ZNF385D: variants seen among roughly 807,000 people sequenced by gnomAD.
The protein encoded by ZNF385D is zinc finger protein 659.
In ZNF385D, 15 loss-of-function variants were observed where a neutral mutation model predicts 35.8. The ratio of observed to expected loss-of-function variants is 0.42; its 90% CI spans 0.28 to 0.64. The LOEUF is 0.64. ZNF385D is among the 30% of genes least tolerant of loss of function. The probability of loss-of-function intolerance (pLI) is 0.23; values close to 1 mark genes in which losing one functional copy is unlikely to be tolerated. For synonymous variants in ZNF385D, 212 were observed against 186.8 expected, an observed-to-expected ratio of 1.13 and a Z score of -1.10; for missense variants, 474 against 494.6, an observed-to-expected ratio of 0.96 and a Z score of 0.39.
At chr3:21,754,430 A>T (rs2070246590), upstream of ZNF385D, among the ~76,000 whole-genome samples, 1 of 152,192 alleles carries the variant, frequency 6.6e-6, no homozygotes, top group Non-Finnish European at 1.5e-5. Context: ...TGCTTGCCAG[A>T]TAAAATTATA....
intron 3 of ZNF385D, among the ~76,000 whole-genome samples, chr3:22,021,747 G>C (rs1697236179): frequency 6.6e-6 from 1 of 152,046 alleles, no homozygotes; most frequent in African/African-American, 2.4e-5. Flanking sequence ...TTCTTTCCAA[G>C]CATTTCCACT....
intron 2 of ZNF385D, among the ~76,000 whole-genome samples, chr3:21,629,663 A>G (rs1463935292): frequency 6.6e-6 from 1 of 152,108 alleles, no homozygotes; most frequent in Non-Finnish European, 1.5e-5. Flanking sequence ...AATTCCACCA[A>G]AAGATGGGGA....
chr3:22,039,891 T>C (rs1698560902), intron 3 of ZNF385D, among the ~76,000 whole-genome samples: 1 of 152,172 alleles, frequency 6.6e-6, no homozygotes, highest in African/African-American at 2.4e-5. Flanking sequence ...CATTGACTGC[T>C]AGACTGCTGC....
chr3:21,877,034 G>C (rs1353712371), intron 3 of ZNF385D, among the ~76,000 whole-genome samples: 3 of 152,036 alleles, frequency 2.0e-5, no homozygotes, highest in Non-Finnish European at 4.4e-5. Context: ...ATTTGCTTTT[G>C]CAGTAAAACA....
At chr3:22,263,952 A>G (rs192328823) in intron 2 of ZNF385D, among the ~76,000 whole-genome samples, 2 of 152,106 alleles carry the variant, frequency 1.3e-5, no homozygotes, top group East Asian at 3.9e-4. Context: ...AAAAATTATA[A>G]GAGAAGGAAT....
At chr3:22,247,793 C>T (rs370069348) in intron 2 of ZNF385D, among the ~76,000 whole-genome samples, 25 of 151,856 alleles carry the variant, frequency 1.6e-4, no homozygotes, top group Admixed American at 1.0e-3. Context: ...TTAGTAGAGA[C>T]GGGGTTTCAC....
intron 4 of ZNF385D, among the ~76,000 whole-genome samples, chr3:21,460,327 CTT>C (rs1559311709): frequency 6.6e-6 from 1 of 152,160 alleles, no homozygotes; most frequent in East Asian, 1.9e-4. Context: ...TAATCTAACT[CTT>C]TGTGTGTTTA....
intron 1 of ZNF385D, among the ~76,000 whole-genome samples, chr3:21,731,166 C>T (rs1357914145): frequency 1.3e-5 from 2 of 152,154 alleles, no homozygotes; most frequent in East Asian, 3.8e-4. Flanking sequence ...AATGGCCCTT[C>T]CCACACCTAA....
chr3:22,045,042 T>C (rs1188935212), intron 3 of ZNF385D, among the ~76,000 whole-genome samples: 1 of 152,072 alleles, frequency 6.6e-6, no homozygotes, highest in African/African-American at 2.4e-5. Flanking sequence ...TTAATTTTTG[T>C]TTGTTGATAT....
At chr3:21,887,847 T>A (rs1698628605) in intron 3 of ZNF385D, among the ~76,000 whole-genome samples, 1 of 152,098 alleles carries the variant, frequency 6.6e-6, no homozygotes, top group African/African-American at 2.4e-5. Context: ...AAAAAATGCA[T>A]GGTTAATTAA....
At chr3:21,979,574 G>C (rs1208344999) in intron 3 of ZNF385D, 1 of 152,118 alleles carries the variant, frequency 6.6e-6, no homozygotes, top group Non-Finnish European at 1.5e-5. Flanking sequence ...TAAAACTCCT[G>C]CCTCACTTCA....
intron 3 of ZNF385D, among the ~76,000 whole-genome samples, chr3:21,883,340 C>T (rs892695631): frequency 1.3e-5 from 2 of 151,498 alleles, no homozygotes; most frequent in Non-Finnish European, 2.9e-5. Context: ...ATTTCTTTCC[C>T]CTCAAAAAAT....
At chr3:22,050,130 C>G (rs927037869) in intron 3 of ZNF385D, among the ~76,000 whole-genome samples, 2 of 151,556 alleles carry the variant, frequency 1.3e-5, no homozygotes, top group African/African-American at 2.4e-5. Flanking sequence ...ATTTGGGAGA[C>G]CAACGCATGA....
chr3:22,016,917 C>A (rs566822522), intron 3 of ZNF385D, among the ~76,000 whole-genome samples: 13 of 150,812 alleles, frequency 8.6e-5, no homozygotes, highest in Non-Finnish European at 1.9e-4. Flanking sequence ...TCTATCTATC[C>A]TGTCCATCCA....
intron 1 of ZNF385D, among the ~76,000 whole-genome samples, chr3:21,686,973 T>A (rs1480512013): frequency 6.6e-6 from 1 of 152,190 alleles, no homozygotes; most frequent in African/African-American, 2.4e-5. Context: ...ACTGGCCTCA[T>A]AACTTGTCTT....
At chr3:21,925,922 AC>A (rs1451706730) in intron 3 of ZNF385D, among the ~76,000 whole-genome samples, 1 of 152,156 alleles carries the variant, frequency 6.6e-6, no homozygotes, top group Admixed American at 6.5e-5. Flanking sequence ...TTAATACCAC[AC>A]TGAGCTATTA....
chr3:22,371,345 G>A (rs1696895881), intron 2 of ZNF385D, among the ~76,000 whole-genome samples: 1 of 152,106 alleles, frequency 6.6e-6, no homozygotes, highest in Admixed American at 6.5e-5. Flanking sequence ...ACCATATTCC[G>A]GGAACACCGC....
intron 1 of ZNF385D, among the ~76,000 whole-genome samples, chr3:21,717,646 CA>C (rs2068376021): frequency 6.6e-6 from 1 of 152,306 alleles, no homozygotes; most frequent in South Asian, 2.1e-4. Flanking sequence ...ATAATTGAAT[CA>C]GGGGGGCGGT....
At chr3:22,307,681 T>C (rs1703304259) in intron 2 of ZNF385D, among the ~76,000 whole-genome samples, 1 of 151,946 alleles carries the variant, frequency 6.6e-6, no homozygotes, top group Non-Finnish European at 1.5e-5. Flanking sequence ...AAGATATTTA[T>C]TTACTTGTTT....
Sources: gnomAD v4.1 joint callset for allele counts (sites outside exome capture counted in the v4.1 genomes callset) on GRCh38, gnomAD v4.1.1 for gene constraint, MANE v1.5 for transcripts, NCBI Gene and HGNC (gene_info 2026-07-23, HGNC 2026-07-21) for gene names.